Variants in CACNA2D3 observed in about 807,000 individuals in gnomAD.
CACNA2D3 encodes calcium voltage-gated channel auxiliary subunit alpha2delta 3.
A neutral mutation model predicts 160.6 loss-of-function variants in CACNA2D3; 60 were observed. The observed-to-expected ratio is 0.37, with a 90% CI of 0.30 to 0.46. The LOEUF (loss-of-function observed/expected upper bound fraction) is 0.46. CACNA2D3 is among the 20% of genes least tolerant of loss of function. CACNA2D3 has a pLI of 1.00. For synonymous variants in CACNA2D3, 558 were observed against 492.9 expected, an observed-to-expected ratio of 1.13 and a Z score of -1.75; for missense variants, 1,205 against 1,365.0, an observed-to-expected ratio of 0.88 and a Z score of 1.85.
intron 27 of CACNA2D3, among the ~76,000 whole-genome samples, chr3:54,901,508 A>G (rs1700332066): frequency 6.6e-6 from 1 of 152,164 alleles, no homozygotes; most frequent in Non-Finnish European, 1.5e-5. Context: ...TCCAAATGCT[A>G]TGCCAGTCTA....
chr3:54,305,947 C>A (rs969353092), intron 2 of CACNA2D3, among the ~76,000 whole-genome samples: 1 of 152,208 alleles, frequency 6.6e-6, no homozygotes, highest in African/African-American at 2.4e-5. Context: ...TGGACACTGA[C>A]GATAATGACT....
chr3:54,905,262 G>A (rs988082968), intron 27 of CACNA2D3, among the ~76,000 whole-genome samples: 3 of 152,200 alleles, frequency 2.0e-5, no homozygotes, highest in Non-Finnish European at 1.5e-5. Flanking sequence ...TCAGGGCAGT[G>A]TAATGAAGGG....
chr3:54,413,945 A>G (rs1371382927), intron 4 of CACNA2D3, among the ~76,000 whole-genome samples: 7 of 146,790 alleles, frequency 4.8e-5, no homozygotes, highest in Non-Finnish European at 3.0e-5. Flanking sequence ...TCACTTGTCT[A>G]GTAATTTCTT....
At chr3:54,469,464 G>A (rs959480302) in intron 4 of CACNA2D3, among the ~76,000 whole-genome samples, 2 of 152,180 alleles carry the variant, frequency 1.3e-5, no homozygotes, top group African/African-American at 4.8e-5. Flanking sequence ...AATCCATGAA[G>A]ATGAGGAAAA....
intron 3 of CACNA2D3, among the ~76,000 whole-genome samples, chr3:54,363,809 G>A (rs1173782805): frequency 6.6e-6 from 1 of 152,186 alleles, no homozygotes. Flanking sequence ...ATGGAGTGAG[G>A]TTGGGTCCAG....
chr3:54,926,735 A>G (rs1701032445), intron 27 of CACNA2D3, among the ~76,000 whole-genome samples: 1 of 152,112 alleles, frequency 6.6e-6, no homozygotes, highest in Non-Finnish European at 1.5e-5. Context: ...TAGTATTAAT[A>G]TTTACCCCCA....
At chr3:54,792,871 C>A (rs1702790665) in intron 13 of CACNA2D3, among the ~76,000 whole-genome samples, 1 of 152,116 alleles carries the variant, frequency 6.6e-6, no homozygotes, top group African/African-American at 2.4e-5. Context: ...ACTGCAAAAT[C>A]TGAGAGTAGG....
chr3:54,779,506 G>A (rs1702492184), intron 13 of CACNA2D3, among the ~76,000 whole-genome samples: 1 of 152,228 alleles, frequency 6.6e-6, no homozygotes, highest in Non-Finnish European at 1.5e-5. Flanking sequence ...AGTTGTACTT[G>A]TAATGTGCTT....
chr3:54,819,353 C>A (rs561583593), intron 14 of CACNA2D3, among the ~76,000 whole-genome samples: 1 of 152,222 alleles, frequency 6.6e-6, no homozygotes, highest in South Asian at 2.1e-4. Context: ...TATGGTAGAC[C>A]CTCAAAATAT....
At chr3:54,527,516 C>T (rs1018114987) in intron 5 of CACNA2D3, among the ~76,000 whole-genome samples, 1 of 152,170 alleles carries the variant, frequency 6.6e-6, no homozygotes. Flanking sequence ...TTGCCTCTCC[C>T]AGTGTGGAGC....
chr3:54,194,361 C>T (rs996175819), intron 2 of CACNA2D3, among the ~76,000 whole-genome samples: 16 of 152,024 alleles, frequency 1.1e-4, no homozygotes, highest in African/African-American at 1.7e-4. Flanking sequence ...TATGACGTGT[C>T]GATTAAAAGT....
At chr3:54,322,203 G>A (rs568878650) in intron 3 of CACNA2D3, among the ~76,000 whole-genome samples, 3 of 152,332 alleles carry the variant, frequency 2.0e-5, no homozygotes, top group South Asian at 2.1e-4. Flanking sequence ...GTGGGCCCAC[G>A]TGGTCAGTGA....
intron 4 of CACNA2D3, among the ~76,000 whole-genome samples, chr3:54,410,473 C>G (rs938519057): frequency 1.3e-5 from 2 of 152,134 alleles, no homozygotes; most frequent in Non-Finnish European, 2.9e-5. Flanking sequence ...GAAGCCAATG[C>G]TTACTTACCA....
Position 54,894,662 on chromosome 3 carries a change from C to T in CACNA2D3, c.2247-2087C>T, listed in dbSNP as rs147528967. On this transcript the variant is annotated intron_variant, in intron 25 of 37. Coordinates refer to ENST00000474759, the MANE Select transcript of CACNA2D3 (RefSeq NM_018398.3). ...GCTCAGTCGTGGCTGCACCTGTGAC[C>T]CAGGGTAGAGAGTAGCAATGCATCC... 566 of 508,328 alleles carry T rather than the reference C, an allele frequency of 1.1e-3. 3 individuals carry two copies. The highest frequency in any genetic ancestry group is 9.8e-3 in the African/African-American group (510 of 51,790). 31.5% of individuals were successfully genotyped at this position (508,328 alleles called of 1,614,324 possible). A position where few individuals can be genotyped will look rare whatever the true frequency, so the allele number is the denominator to read the frequency against.
intron 5 of CACNA2D3, among the ~76,000 whole-genome samples, chr3:54,555,141 G>T: frequency 6.6e-6 from 1 of 152,054 alleles, no homozygotes; most frequent in Non-Finnish European, 1.5e-5. Context: ...CTCCCAAAGT[G>T]TTGAGATTAC....
chr3:54,778,526 G>C (rs987422479), intron 13 of CACNA2D3, among the ~76,000 whole-genome samples: 11 of 152,138 alleles, frequency 7.2e-5, no homozygotes, highest in African/African-American at 2.2e-4. Context: ...CTCCAGTCTA[G>C]AGTGGGGCAT....
At chr3:54,173,525 C>T (rs1700613103) in intron 2 of CACNA2D3, among the ~76,000 whole-genome samples, 1 of 152,218 alleles carries the variant, frequency 6.6e-6, no homozygotes, top group Admixed American at 6.5e-5. Flanking sequence ...CTTGCTCACT[C>T]TTTCTGCAAG....
At chr3:54,422,478 T>G (rs1030502995) in intron 4 of CACNA2D3, among the ~76,000 whole-genome samples, 1 of 151,780 alleles carries the variant, frequency 6.6e-6, no homozygotes, top group Non-Finnish European at 1.5e-5. Flanking sequence ...AACAACAATA[T>G]CAAAATAAAA....
intron 35 of CACNA2D3, among the ~76,000 whole-genome samples, chr3:55,062,465 A>AT (rs376456041): frequency 6.6e-6 from 1 of 152,164 alleles, no homozygotes; most frequent in Admixed American, 6.5e-5. Flanking sequence ...AACAAAAAAA[A>AT]GGAGGTCTCT....
Sources: allele counts gnomAD v4.1 joint callset (sites outside exome capture counted in the v4.1 genomes callset), GRCh38; gene constraint gnomAD v4.1.1; transcripts MANE v1.5; gene names NCBI Gene and HGNC (gene_info 2026-07-23, HGNC 2026-07-21).